Variants in SEL1L2 observed in about 807,000 individuals in gnomAD.
SEL1L2 encodes SEL1L2 adaptor subunit of SYVN1 ubiquitin ligase, also known as protein sel-1 homolog 2.
Under a neutral mutation model 98.8 loss-of-function variants are expected in SEL1L2, and 89 were observed. That is an observed-to-expected ratio of 0.90 (90% CI 0.76 to 1.07). SEL1L2 has a LOEUF of 1.07. Ranked by LOEUF, SEL1L2 falls within the 50% of genes least tolerant of loss-of-function variation. The probability of loss-of-function intolerance (pLI) is 0.00; values close to 1 mark genes in which losing one functional copy is unlikely to be tolerated. For synonymous variants in SEL1L2, 262 were observed against 278.5 expected (o/e 0.94, Z 0.59); for missense variants, 788 against 812.0 (o/e 0.97, Z 0.36).
At chr20:13,861,353 T>A (rs1990104808) in intron 17 of SEL1L2, among the ~76,000 whole-genome samples, 1 of 151,930 alleles carries the variant, frequency 6.6e-6, no homozygotes, top group Non-Finnish European at 1.5e-5. Flanking sequence ...ACCATATTGC[T>A]CTGGCTTGTC....
intron 15 of SEL1L2, among the ~76,000 whole-genome samples, chr20:13,866,143 C>A (rs943236460): frequency 1.3e-5 from 2 of 152,046 alleles, no homozygotes; most frequent in Non-Finnish European, 2.9e-5. Flanking sequence ...TCAGAGGGGC[C>A]AGATTGCAAC....
intron 3 of SEL1L2, among the ~76,000 whole-genome samples, chr20:13,922,025 A>T (rs571662661): frequency 1.5e-4 from 23 of 152,326 alleles, no homozygotes; most frequent in Admixed American, 5.9e-4. Context: ...TATAAGTTTC[A>T]GCTCTTATTC....
intron 1 of SEL1L2, among the ~76,000 whole-genome samples, chr20:13,977,379 T>C (rs1320984863): frequency 1.3e-5 from 2 of 152,030 alleles, no homozygotes; most frequent in African/African-American, 4.8e-5. Context: ...AGATGGTGAG[T>C]AATGTCACAT....
intron 2 of SEL1L2, among the ~76,000 whole-genome samples, chr20:13,945,007 T>G (rs919385360): frequency 1.3e-5 from 2 of 152,142 alleles, no homozygotes; most frequent in African/African-American, 4.8e-5. Context: ...GTTGCCTGAT[T>G]CTCTTTTCCC....
chr20:13,863,234 A>T (rs532069656), intron 17 of SEL1L2, among the ~76,000 whole-genome samples: 1 of 152,312 alleles, frequency 6.6e-6, no homozygotes, highest in South Asian at 2.1e-4. Flanking sequence ...GGCTATAACC[A>T]CAAAGAGATA....
chr20:13,919,327 T>C (rs1157169326), intron 3 of SEL1L2, among the ~76,000 whole-genome samples: 1 of 152,148 alleles, frequency 6.6e-6, no homozygotes, highest in Non-Finnish European at 1.5e-5. Context: ...TAAAAACTTA[T>C]TCCCTGCTGG....
At chr20:13,873,378 T>A (rs532745073) in intron 12 of SEL1L2, among the ~76,000 whole-genome samples, 11 of 152,184 alleles carry the variant, frequency 7.2e-5, no homozygotes, top group African/African-American at 2.2e-4. Flanking sequence ...TTATTTATTT[T>A]TTGAGACAGA....
chr20:13,970,025 CT>C (rs11380130), intron 1 of SEL1L2, among the ~76,000 whole-genome samples: 2,970 of 141,178 alleles, frequency 0.021, 77 homozygotes, highest in East Asian at 0.16. Flanking sequence ...GCTCCATCCT[CT>C]TTTTTTTTTT....
chr20:13,962,666 C>A (rs1317529667), intron 1 of SEL1L2, among the ~76,000 whole-genome samples: 15 of 152,194 alleles, frequency 9.9e-5, no homozygotes, highest in Non-Finnish European at 4.4e-5. Context: ...CCTATTAGGA[C>A]TTCTTGATTC....
At chr20:13,939,796 A>G (rs2049665033) in intron 2 of SEL1L2, among the ~76,000 whole-genome samples, 1 of 151,216 alleles carries the variant, frequency 6.6e-6, no homozygotes, top group African/African-American at 2.4e-5. Flanking sequence ...CCTCCCAAGT[A>G]GCTGGGATTA....
intron 5 of SEL1L2, among the ~76,000 whole-genome samples, chr20:13,893,704 A>C (rs776526759): frequency 4.6e-5 from 7 of 152,224 alleles, no homozygotes; most frequent in Admixed American, 6.5e-5. Flanking sequence ...GGAACATTCT[A>C]CTTTACAGGA....
intron 18 of SEL1L2, among the ~76,000 whole-genome samples, chr20:13,852,880 A>T (rs928676974): frequency 2.6e-5 from 4 of 152,186 alleles, no homozygotes; most frequent in Non-Finnish European, 5.9e-5. Flanking sequence ...TTATACTGGG[A>T]CAGAGCATGT....
At chr20:13,992,624 G>T (rs558529434), upstream of SEL1L2, among the ~76,000 whole-genome samples, 21 of 152,284 alleles carry the variant, frequency 1.4e-4, no homozygotes, top group South Asian at 4.1e-3. Flanking sequence ...GGGTTAGTAG[G>T]TGATAGTCAC....
Position 13,938,279 on chromosome 20 carries a change from C to T in SEL1L2, c.115-6508G>A, listed in dbSNP as rs527612485. Among the ~76,000 whole-genome samples the T allele has an allele frequency of 2.0e-5, 3 of 152,100 alleles. No homozygotes were observed. In the South Asian group the frequency reaches 6.2e-4, roughly 32 times the overall value. On this transcript the variant is annotated intron_variant, in intron 2 of 19. Transcript: ENST00000284951. ...TATTTTTAGTAGAGATGGGGTTTCA[C>T]CATGTTGGTCAGGCTCATCTCGAAC... is the stretch of plus-strand genomic sequence containing the variant.
At position 13,977,427 on chromosome 20, in the gene SEL1L2, G is replaced by A. The variant is rs374165923; in HGVS notation, c.58+13050C>T. ...TTAGCAGAAAGAACAGCAAGAGGCC[G>A]CTGGATTGGTAATCAATGAGCTGTT... On this transcript the variant is annotated intron_variant, in intron 1 of 19. Transcript: ENST00000284951. Among the ~76,000 whole-genome samples the A allele has an allele frequency of 1.2e-4, 18 of 152,302 alleles. No individual in the cohort carries two copies. The East Asian group carries it at 1.5e-3, about 13-fold the overall frequency.
chr20:13,867,419 G>A (rs1361794045), intron 14 of SEL1L2, among the ~76,000 whole-genome samples: 2 of 152,190 alleles, frequency 1.3e-5, no homozygotes, highest in Non-Finnish European at 2.9e-5. Context: ...TTTGTGACTT[G>A]GGCCATTTAG....
chr20:13,940,745 C>T (rs2049732322), intron 2 of SEL1L2, among the ~76,000 whole-genome samples: 1 of 152,052 alleles, frequency 6.6e-6, no homozygotes, highest in Non-Finnish European at 1.5e-5. Context: ...ACCAGCCTGG[C>T]CAACATAGCA....
intron 5 of SEL1L2, among the ~76,000 whole-genome samples, chr20:13,893,609 CAGAT>C: frequency 6.6e-6 from 1 of 152,186 alleles, no homozygotes; most frequent in South Asian, 2.1e-4. Flanking sequence ...ATAGAACAAT[CAGAT>C]AGAAGATCAA....
At chr20:13,935,283 C>G (rs1401587133) in intron 2 of SEL1L2, among the ~76,000 whole-genome samples, 1 of 152,160 alleles carries the variant, frequency 6.6e-6, no homozygotes, top group Non-Finnish European at 1.5e-5. Context: ...GCTCTCAGTC[C>G]CTGCTCTCAG....
Sources: gnomAD v4.1 joint callset for allele counts (sites outside exome capture counted in the v4.1 genomes callset) on GRCh38, gnomAD v4.1.1 for gene constraint, MANE v1.5 for transcripts, NCBI Gene and HGNC (gene_info 2026-07-23, HGNC 2026-07-21) for gene names.